The following PDILT variants were observed in gnomAD, a reference collection of about 807,000 sequenced individuals.
PDILT encodes protein disulfide isomerase like, testis expressed, also known as protein disulfide-isomerase-like protein of the testis.
Under a neutral mutation model 53.7 loss-of-function variants are expected in PDILT, and 43 were observed. That is an observed-to-expected ratio of 0.80 (90% CI 0.63 to 1.03). The LOEUF is 1.03. Among genes scored for constraint, PDILT ranks in the 50% least tolerant of loss-of-function variants. PDILT has a pLI of 0.00. For missense variants in PDILT, 727 were observed against 712.3 expected (o/e 1.02, Z -0.24); for synonymous variants, 282 against 274.2 (o/e 1.03, Z -0.28).
At chr16:20,400,359 T>C (rs956474830) in intron 1 of PDILT, among the ~76,000 whole-genome samples, 1 of 151,316 alleles carries the variant, frequency 6.6e-6, no homozygotes, top group African/African-American at 2.4e-5. Flanking sequence ...ACAGGCATTA[T>C]CCACTGCACC....
At chr16:20,370,721 G>T (rs139856183) in intron 7 of PDILT, among the ~76,000 whole-genome samples, 4 of 152,056 alleles carry the variant, frequency 2.6e-5, no homozygotes, top group Non-Finnish European at 5.9e-5. Context: ...ATAGGAGGTC[G>T]GCACAAGATA....
At chr16:20,401,068 C>G (rs1966734496) in intron 1 of PDILT, among the ~76,000 whole-genome samples, 1 of 152,136 alleles carries the variant, frequency 6.6e-6, no homozygotes. Flanking sequence ...TCAAATGAAA[C>G]CAACAAAGGG....
At chr16:20,362,876 A>T (rs1966126799) in intron 9 of PDILT, among the ~76,000 whole-genome samples, 1 of 152,016 alleles carries the variant, frequency 6.6e-6, no homozygotes, top group African/African-American at 2.4e-5. Flanking sequence ...GTTCGAGATC[A>T]GCCTGACCAA....
Position 20,399,365 on chromosome 16 carries a change from T to C in PDILT, c.-7-58A>G, listed in dbSNP as rs530477242. On this transcript the variant is annotated intron_variant, in intron 1 of 11. Transcript: ENST00000302451. Reference sequence around the variant, plus strand: ...TCAACACAGGTGGTGGAGCCCCACGTCATCACCCCCACTTCCTTGTCCAGC... The same window carrying C: ...TCAACACAGGTGGTGGAGCCCCACGCCATCACCCCCACTTCCTTGTCCAGC... 6 of 1,550,874 alleles carry C rather than the reference T, an allele frequency of 3.9e-6. No homozygotes were observed. The East Asian group carries it at 1.1e-4, about 29-fold the overall frequency.
chr16:20,393,112 T>G (rs1032774512), intron 2 of PDILT, among the ~76,000 whole-genome samples: 1 of 152,200 alleles, frequency 6.6e-6, no homozygotes, highest in Non-Finnish European at 1.5e-5. Flanking sequence ...ACCATTAGTT[T>G]ACCAATTCCA....
chr16:20,388,763 T>C (rs1227801143), intron 2 of PDILT: 1 of 152,114 alleles, frequency 6.6e-6, no homozygotes, highest in Non-Finnish European at 1.5e-5. Flanking sequence ...AAATACAAAA[T>C]TAGCCTGGCG....
chr16:20,371,189 T>G (rs1391689802), intron 7 of PDILT, among the ~76,000 whole-genome samples: 1 of 152,134 alleles, frequency 6.6e-6, no homozygotes, highest in East Asian at 1.9e-4. Flanking sequence ...GGTCAGAGAC[T>G]GTCGAAGATG....
chr16:20,360,678 G>A, intron 10 of PDILT, 21 bp from the exon 11 acceptor site: 1 of 1,549,246 alleles, frequency 6.5e-7, no homozygotes, highest in South Asian at 1.1e-5. Flanking sequence ...AATGGAACAG[G>A]GTCAGGATGG....
At chr16:20,374,058 C>T (rs1169964265) in intron 5 of PDILT, among the ~76,000 whole-genome samples, 1 of 152,016 alleles carries the variant, frequency 6.6e-6, no homozygotes, top group Admixed American at 6.6e-5. Context: ...ATCCTCCTGC[C>T]TGAGCTTGCT....
At chr16:20,394,517 C>G (rs1467479788) in intron 2 of PDILT, among the ~76,000 whole-genome samples, 2 of 152,198 alleles carry the variant, frequency 1.3e-5, no homozygotes, top group Non-Finnish European at 2.9e-5. Context: ...GGGCAGTGAT[C>G]AGGCCAATGG....
Position 20,391,663 on chromosome 16 carries a change from G to T in PDILT, c.203-6812C>A, listed in dbSNP as rs138968688. On this transcript the variant is annotated intron_variant, in intron 2 of 11. Transcript: ENST00000302451. ...AAGCCTACCATGCTCCAAGCACAAT[G>T]CTGAATGTTAGGAATCAGGAGATGA... is the stretch of plus-strand genomic sequence containing the variant. 5.3e-3 allele frequency among the ~76,000 whole-genome samples: 810 copies of T among 152,150 alleles called. 16 individuals carry two copies. In the South Asian group the frequency reaches 0.061, roughly 12 times the overall value.
Position 20,369,692 on chromosome 16 carries a change from G to T in PDILT, c.919-3C>A. 1 of 1,613,914 alleles carries T rather than the reference G, an allele frequency of 6.2e-7. No homozygotes were observed. Among genetic ancestry groups the T allele is most frequent in the Non-Finnish European group, 8.5e-7 (1 of 1,179,986 alleles). On this transcript the variant is annotated splice_region_variant and splice_polypyrimidine_tract_variant and intron_variant, in intron 7 of 11. Transcript: ENST00000302451. ...GCATCCACAAGGATGAAAAGGATCT[G>T]CCAAAGAAAACAAAACCCTTGTCTC...
chr16:20,378,290 AC>A (rs1231241011), intron 3 of PDILT, among the ~76,000 whole-genome samples: 1 of 152,158 alleles, frequency 6.6e-6, no homozygotes, highest in Non-Finnish European at 1.5e-5. Context: ...CAAATCGAGA[AC>A]TAGAACATCA....
intron 11 of PDILT, among the ~76,000 whole-genome samples, chr16:20,360,020 A>C (rs1966073653): frequency 6.6e-6 from 1 of 152,218 alleles, no homozygotes; most frequent in Admixed American, 6.5e-5. Flanking sequence ...GAATGAAACC[A>C]ACATAGAGGA....
intron 2 of PDILT, among the ~76,000 whole-genome samples, chr16:20,396,615 C>T (rs970215222): frequency 5.9e-5 from 9 of 152,340 alleles, no homozygotes; most frequent in South Asian, 2.1e-4. Flanking sequence ...AGCCAGAGAA[C>T]GTCACTCAGC....
At chr16:20,365,582 G>A in intron 8 of PDILT, 42 bp from the exon 9 acceptor site, 1 of 1,596,084 alleles carries the variant, frequency 6.3e-7, no homozygotes, top group Non-Finnish European at 8.5e-7. Flanking sequence ...TTCATAAAGG[G>A]TCTTGAAGTT....
intron 3 of PDILT, among the ~76,000 whole-genome samples, chr16:20,381,450 C>G (rs961368525): frequency 1.6e-4 from 24 of 152,026 alleles, no homozygotes; most frequent in Non-Finnish European, 1.5e-5. Context: ...TCCTGGCCAA[C>G]ATGGTGAAAC....
intron 8 of PDILT, 49 bp from the exon 9 acceptor site, chr16:20,365,589 A>G: frequency 1.3e-6 from 2 of 1,593,324 alleles, no homozygotes; most frequent in Non-Finnish European, 8.6e-7. Flanking sequence ...AGGGTCTTGA[A>G]GTTGTGGGGC....
intron 2 of PDILT, among the ~76,000 whole-genome samples, chr16:20,394,469 A>G (rs1966639493): frequency 1.3e-5 from 2 of 152,184 alleles, no homozygotes; most frequent in African/African-American, 4.8e-5. Context: ...CAGCCATACT[A>G]CATTTCCCAG....
Sources: gnomAD v4.1 joint callset for allele counts (sites outside exome capture counted in the v4.1 genomes callset) on GRCh38, gnomAD v4.1.1 for gene constraint, MANE v1.5 for transcripts, NCBI Gene and HGNC (gene_info 2026-07-23, HGNC 2026-07-21) for gene names.